The following RABGAP1L variants were observed in gnomAD, a reference collection of about 807,000 sequenced individuals.
RABGAP1L encodes the protein rab GTPase-activating protein 1-like.
In RABGAP1L, 63 loss-of-function variants were observed where a neutral mutation model predicts 137.7. The observed-to-expected ratio is 0.46, with a 90% CI of 0.37 to 0.56. The LOEUF is 0.56. Ranked by LOEUF, RABGAP1L falls within the 20% of genes least tolerant of loss-of-function variation. The pLI, the probability that RABGAP1L is intolerant of heterozygous loss-of-function variation, is 0.00. For synonymous variants in RABGAP1L, 431 were observed against 433.7 expected, an observed-to-expected ratio of 0.99 and a Z score of 0.08; for missense variants, 1,095 against 1,244.0, an observed-to-expected ratio of 0.88 and a Z score of 1.80.
At chr1:174,343,307 C>G (rs1682146593) in intron 11 of RABGAP1L, among the ~76,000 whole-genome samples, 1 of 152,120 alleles carries the variant, frequency 6.6e-6, no homozygotes, top group African/African-American at 2.4e-5. Context: ...AAACACATAT[C>G]TGGAATTGAA....
At chr1:174,663,884 G>A (rs1676567431) in intron 14 of RABGAP1L, among the ~76,000 whole-genome samples, 1 of 152,004 alleles carries the variant, frequency 6.6e-6, no homozygotes, top group Non-Finnish European at 1.5e-5. Flanking sequence ...GCATTTTTGT[G>A]CTTCTTGATG....
At chr1:174,503,834 T>TA (rs1661568105) in intron 13 of RABGAP1L, among the ~76,000 whole-genome samples, 1 of 152,078 alleles carries the variant, frequency 6.6e-6, no homozygotes, top group Admixed American at 6.6e-5. Context: ...CTGAAAACTA[T>TA]AAAGTATTGA....
chr1:174,192,386 T>TGATCTTG (rs1348042378), intron 1 of RABGAP1L, among the ~76,000 whole-genome samples: 1 of 148,592 alleles, frequency 6.7e-6, no homozygotes, highest in Admixed American at 6.8e-5. Context: ...TGCAGTGGCA[T>TGATCTTG]GATCTTGGCT....
chr1:174,459,535 T>C (rs1024315863), intron 13 of RABGAP1L, among the ~76,000 whole-genome samples: 1 of 152,136 alleles, frequency 6.6e-6, no homozygotes, highest in Non-Finnish European at 1.5e-5. Context: ...CCATATACTT[T>C]AAATTATCTC....
At chr1:174,950,463 C>T (rs1301076782) in intron 19 of RABGAP1L, among the ~76,000 whole-genome samples, 3 of 152,098 alleles carry the variant, frequency 2.0e-5, no homozygotes, top group African/African-American at 2.4e-5. Flanking sequence ...GCCTATAGGG[C>T]GTGTTCCTCC....
intron 13 of RABGAP1L, among the ~76,000 whole-genome samples, chr1:174,571,923 C>A (rs1217167381): frequency 3.3e-5 from 5 of 152,288 alleles, no homozygotes; most frequent in African/African-American, 9.6e-5. Flanking sequence ...GTCCCAAATA[C>A]TCAAGTTTAA....
At chr1:174,848,563 C>G (rs1390275879) in intron 19 of RABGAP1L, among the ~76,000 whole-genome samples, 1 of 148,474 alleles carries the variant, frequency 6.7e-6, no homozygotes, top group African/African-American at 2.5e-5. Context: ...CAGGGACCCA[C>G]TTGAGGAGGC....
intron 17 of RABGAP1L, among the ~76,000 whole-genome samples, chr1:174,751,523 G>A (rs1172129537): frequency 6.6e-6 from 1 of 152,150 alleles, no homozygotes; most frequent in African/African-American, 2.4e-5. Flanking sequence ...GCATGGCAAG[G>A]AAACAGCACA....
At chr1:174,434,108 T>TACACATACACAC (rs1553301865) in intron 13 of RABGAP1L, among the ~76,000 whole-genome samples, 8 of 134,050 alleles carry the variant, frequency 6.0e-5, no homozygotes, top group African/African-American at 2.1e-4. Flanking sequence ...CGTGTACACA[T>TACACATACACAC]ACACACACAC....
chr1:174,368,421 C>T (rs1404621220), intron 11 of RABGAP1L, among the ~76,000 whole-genome samples: 1 of 152,146 alleles, frequency 6.6e-6, no homozygotes, highest in Non-Finnish European at 1.5e-5. Context: ...CTTATTTAAA[C>T]ATCAGCCTTC....
chr1:174,978,883 A>G lies in RABGAP1L; in HGVS notation c.2726A>G (p.Tyr909Cys). The change falls in exon 23 of 26, where the codon TAT (tyrosine) becomes TGT (cysteine). Residue 909 changes from tyrosine to cysteine, a missense_variant. Tyr to Cys is a radical substitution (Grantham distance 194). This residue lies in a region of RABGAP1L where 312 missense variants were observed against 435.6 expected (regional missense o/e 0.72). Transcript: ENST00000681986. ...IKKTTAIIAE[Y>C]KQICSQLSTR... Reference sequence around the variant, plus strand: ...AAGACTACAGCTATCATTGCTGAGTATAAACAGGTAATGTACTTCTGTGGC... The same window carrying G: ...AAGACTACAGCTATCATTGCTGAGTGTAAACAGGTAATGTACTTCTGTGGC... 6.5e-7 allele frequency: 1 copy of G among 1,529,446 alleles called. No individual in the cohort carries two copies. Among genetic ancestry groups the G allele is most frequent in the Admixed American group, 2.1e-5 (1 of 46,820 alleles). The allele number at this position is 1,529,446 out of a possible 1,614,324, so 94.7% of individuals were successfully genotyped here.
intron 14 of RABGAP1L, among the ~76,000 whole-genome samples, chr1:174,659,754 A>G (rs536530605): frequency 6.6e-6 from 1 of 152,328 alleles, no homozygotes; most frequent in Non-Finnish European, 1.5e-5. Flanking sequence ...AGATATCTCA[A>G]ATACAGCCTA....
At chr1:174,562,951 T>C (rs1400431436) in intron 13 of RABGAP1L, among the ~76,000 whole-genome samples, 1 of 152,188 alleles carries the variant, frequency 6.6e-6, no homozygotes, top group African/African-American at 2.4e-5. Flanking sequence ...CGTGTATACC[T>C]ATGTAACAAA....
intron 19 of RABGAP1L, chr1:174,892,442 C>G (rs1656344353): frequency 1.2e-5 from 5 of 431,172 alleles, no homozygotes; most frequent in Non-Finnish European, 2.2e-5. Context: ...CGAAATTGTT[C>G]ATCAGCGTTA....
intron 11 of RABGAP1L, among the ~76,000 whole-genome samples, chr1:174,318,177 G>A (rs1679575017): frequency 6.6e-6 from 1 of 151,612 alleles, no homozygotes; most frequent in Admixed American, 6.6e-5. Flanking sequence ...TTAAATTGAT[G>A]TTCTTGCACA....
chr1:174,634,568 A>G (rs1158656069), intron 13 of RABGAP1L, among the ~76,000 whole-genome samples: 1 of 140,112 alleles, frequency 7.1e-6, no homozygotes, highest in African/African-American at 2.8e-5. Flanking sequence ...ATGCTGCTAT[A>G]AAGACACATG....
chr1:174,356,817 C>T (rs1683678989), intron 11 of RABGAP1L, among the ~76,000 whole-genome samples: 1 of 152,102 alleles, frequency 6.6e-6, no homozygotes, highest in Admixed American at 6.6e-5. Flanking sequence ...AAACAGAAGA[C>T]TCAATAACAA....
At chr1:174,872,089 A>G (rs949046454) in intron 19 of RABGAP1L, among the ~76,000 whole-genome samples, 1 of 151,998 alleles carries the variant, frequency 6.6e-6, no homozygotes, top group Non-Finnish European at 1.5e-5. Context: ...TACCCAGCAT[A>G]CCTGTTAAGC....
chr1:174,241,540 A>T lies in RABGAP1L; in HGVS notation c.600A>T (p.Leu200Phe). 1 of 1,613,032 alleles carries T rather than the reference A, an allele frequency of 6.2e-7. No individual in the cohort carries two copies. Among genetic ancestry groups the T allele is most frequent in the Non-Finnish European group, 8.5e-7 (1 of 1,179,092 alleles). ...EIASFPIYKVLFCARGHDGTT... is the reference protein window; with the variant it reads ...EIASFPIYKVFFCARGHDGTT... ...CATCTTTTCCAATCTATAAGGTGTT[A>T]TTCTGTGCACGTGGACATGACGGAA... is the stretch of plus-strand genomic sequence containing the variant. The change falls in exon 5 of 26, where the codon TTA (leucine) becomes TTT (phenylalanine). Residue 200 changes from leucine (L) to phenylalanine (F), a missense_variant. Leu to Phe is a conservative substitution (Grantham distance 22, BLOSUM62 0). Around this residue, in one of 4 missense-constraint regions of RABGAP1L, gnomAD observed 356 missense variants for 326.3 expected, o/e 1.09. Coordinates refer to ENST00000681986, the MANE Select transcript of RABGAP1L (RefSeq NM_001366446.1).
Sources: gnomAD v4.1 joint callset for allele counts (sites outside exome capture counted in the v4.1 genomes callset) on GRCh38, gnomAD v4.1.1 for gene constraint, gnomAD v4.1.1 regional missense constraint, MANE v1.5 for transcripts, NCBI Gene and HGNC (gene_info 2026-07-23, HGNC 2026-07-21) for gene names.